The following PKD2 variants were observed in gnomAD, a reference collection of about 807,000 sequenced individuals.
The protein encoded by PKD2 is polycystin-2.
A neutral mutation model predicts 105.9 loss-of-function variants in PKD2; 48 were observed. The observed-to-expected ratio is 0.45, with a 90% CI of 0.36 to 0.58. The LOEUF (loss-of-function observed/expected upper bound fraction) is 0.58. Ranked by LOEUF, PKD2 falls within the 20% of genes least tolerant of loss-of-function variation. The pLI, the probability that PKD2 is intolerant of heterozygous loss-of-function variation, is 0.00. For synonymous variants in PKD2, 464 were observed against 481.1 expected (o/e 0.96, Z 0.46); for missense variants, 1,078 against 1,255.3 (o/e 0.86, Z 2.13).
rs774698283 is a variant in PKD2, at chr4:88,036,274, A to C, written c.764A>C (p.Gln255Pro). 8 of 1,613,866 alleles carry C rather than the reference A, an allele frequency of 5.0e-6. No individual in the cohort carries two copies. The highest frequency in any genetic ancestry group is 3.3e-5 in the Admixed American group (2 of 59,994). Residue 255 changes from glutamine (Q) to proline (P), a missense_variant, in exon 3 of 15, where the codon CAG becomes CCG. Physicochemically the swap from Gln to Pro is moderately conservative, Grantham distance 76 (BLOSUM62 -1). Around this residue, in one of 2 missense-constraint regions of PKD2, gnomAD observed 868 missense variants for 1,067.3 expected, o/e 0.81. Coordinates refer to ENST00000237596, the MANE Select transcript of PKD2 (RefSeq NM_000297.4). The stretch of plus-strand genomic sequence containing the variant: ...TACTACTACACCCGGATGATGTCAC[A>C]GCTCTTCCTAGACACCCCCGTGTCC... The part of the protein sequence containing the change: ...NVYYYTRMMS[Q>P]LFLDTPVSKT...
Position 88,019,446 on chromosome 4 carries a change from A to G in PKD2, c.596-12A>G, listed in dbSNP as rs1309230768. ...AATGATATCTTTTCTTTTCTTCATT[A>G]TTATTTTAAAGGTCTCTGGGGAACA... On this transcript the variant is annotated splice_polypyrimidine_tract_variant and intron_variant, in intron 1 of 14. Transcript: ENST00000237596. The G allele has an allele frequency of 7.8e-7, 1 of 1,278,096 alleles. No individual in the cohort carries two copies. The highest frequency in any genetic ancestry group is 1.2e-5 in the South Asian group (1 of 83,684). The allele number at this position is 1,278,096 out of a possible 1,614,324, so 79.2% of individuals were successfully genotyped here. A position where few individuals can be genotyped will look rare whatever the true frequency, so the allele number is the denominator to read the frequency against.
chr4:88,072,776 G>A (rs1160417224), intron 13 of PKD2, among the ~76,000 whole-genome samples: 5 of 151,922 alleles, frequency 3.3e-5, no homozygotes, highest in Admixed American at 6.6e-5. Context: ...AGTGGCTCAC[G>A]CCTGTAATCC....
chr4:88,038,486 C>T lies in PKD2; in HGVS notation c.1079C>T (p.Pro360Leu). The change falls in exon 4 of 15, where the codon CCC (proline) becomes CTC (leucine). Residue 360 changes from proline (P) to leucine (L), a missense_variant. By Grantham distance (98) the Pro-to-Leu change is moderately conservative. Around this residue, in one of 2 missense-constraint regions of PKD2, gnomAD observed 868 missense variants for 1,067.3 expected, o/e 0.81. Transcript: ENST00000237596. ...AGTGAAGATAGGGCTCCCTTTGGGC[C>T]CCGAAATGGAACCGCGTAAGTGTCT... The part of the protein sequence containing the change: ...VSSEDRAPFG[P>L]RNGTAWIYTS... 1 of 1,613,836 alleles carries T rather than the reference C, an allele frequency of 6.2e-7. No homozygotes were observed. The highest frequency in any genetic ancestry group is 1.1e-5 in the South Asian group (1 of 91,064).
chr4:88,008,386 G>C (rs1726268552), intron 1 of PKD2, 58 bp downstream of exon 1: 2 of 1,469,932 alleles, frequency 1.4e-6, no homozygotes, highest in Admixed American at 4.5e-5. Context: ...GGCGCCGGCC[G>C]GGGCCATCGC....
rs192784731 is a variant in PKD2, at chr4:88,070,077, T to C, written c.2522+2016T>C. Among the ~76,000 whole-genome samples, 971 of 152,328 alleles carry C rather than the reference T, an allele frequency of 6.4e-3. 22 individuals carry two copies. The highest frequency in any genetic ancestry group is 0.058 in the Admixed American group (886 of 15,284). On this transcript the variant is annotated intron_variant, in intron 13 of 14. Coordinates refer to ENST00000237596, the MANE Select transcript of PKD2 (RefSeq NM_000297.4). ...CTTGCTTTCAGCATAAAGAATTTCC[T>C]TTAGTATTTTTTGTAAAGCAGGTTT... is the stretch of plus-strand genomic sequence containing the variant.
chr4:88,029,682 A>G (rs1560603570), intron 2 of PKD2, among the ~76,000 whole-genome samples: 1 of 152,250 alleles, frequency 6.6e-6, no homozygotes, highest in Non-Finnish European at 1.5e-5. Context: ...TTTAATTAAA[A>G]ACAGATTTAG....
chr4:88,062,822 G>A (rs187172924), intron 10 of PKD2, among the ~76,000 whole-genome samples: 56 of 152,162 alleles, frequency 3.7e-4, no homozygotes, highest in African/African-American at 1.3e-3. Flanking sequence ...AAGTCCTTGG[G>A]ATGGGACCTA....
intron 1 of PKD2, 26 bp downstream of exon 1, chr4:88,008,354 A>G: frequency 6.7e-7 from 1 of 1,489,582 alleles, no homozygotes; most frequent in Non-Finnish European, 8.9e-7. Flanking sequence ...CCGCAGCGGC[A>G]GATGCACGAA....
intron 9 of PKD2, among the ~76,000 whole-genome samples, chr4:88,060,711 G>A (rs767991597): frequency 9.2e-5 from 14 of 152,060 alleles, no homozygotes; most frequent in Non-Finnish European, 1.9e-4. Context: ...ACAGTGCTTC[G>A]AGAAAGTTTG....
At chr4:88,020,571 C>T (rs780917739) in intron 2 of PKD2, among the ~76,000 whole-genome samples, 21 of 151,990 alleles carry the variant, frequency 1.4e-4, no homozygotes, top group Non-Finnish European at 2.5e-4. Context: ...AATCAAAGGG[C>T]GTTCGATGAT....
In PKD2 at chr4:88,053,968, A is replaced by G. The variant is rs774109892; in HGVS notation, c.1716+1810A>G. Among the ~76,000 whole-genome samples, 75 of 152,172 alleles carry G rather than the reference A, an allele frequency of 4.9e-4. 2 individuals are homozygous for G. Among genetic ancestry groups the G allele is most frequent in the Non-Finnish European group, 2.5e-4 (17 of 68,036 alleles). On this transcript the variant is annotated intron_variant, in intron 7 of 14. Transcript: ENST00000237596. ...TTACTTAATTTAAATTTGAATTTAG[A>G]TATCCACACATGTTTGGATAGCACA...
At chr4:88,022,759 C>G (rs1226821685) in intron 2 of PKD2, among the ~76,000 whole-genome samples, 2 of 152,100 alleles carry the variant, frequency 1.3e-5, no homozygotes, top group Non-Finnish European at 2.9e-5. Flanking sequence ...CTTGCATTGC[C>G]CTAAATACCT....
At position 88,077,165 on chromosome 4, in the gene PKD2, T is replaced by A. The variant is rs1339071709; in HGVS notation, c.*1471T>A. Reference sequence around the variant, plus strand: ...GAACCAAGAGAATCCTGTCGTTTAATGCTATATTTTAATTTCACAAGTTGT... The same window carrying A: ...GAACCAAGAGAATCCTGTCGTTTAAAGCTATATTTTAATTTCACAAGTTGT... On this transcript the variant is annotated 3_prime_UTR_variant, in exon 15 of 15. Coordinates refer to ENST00000237596, the MANE Select transcript of PKD2 (RefSeq NM_000297.4). 6.6e-6 allele frequency: 1 copy of A among 152,594 alleles called. No homozygotes were observed. The highest frequency in any genetic ancestry group is 1.5e-5 in the Non-Finnish European group (1 of 68,020). 9.5% of individuals were successfully genotyped at this position (152,594 alleles called of 1,614,324 possible).
At chr4:88,021,831 A>G (rs1177185462) in intron 2 of PKD2, among the ~76,000 whole-genome samples, 1 of 152,182 alleles carries the variant, frequency 6.6e-6, no homozygotes, top group Non-Finnish European at 1.5e-5. Context: ...AAGTTTGGAG[A>G]CAAATACCTA....
chr4:88,009,014 A>T (rs926845969), intron 1 of PKD2, among the ~76,000 whole-genome samples: 4 of 152,260 alleles, frequency 2.6e-5, no homozygotes, highest in African/African-American at 4.8e-5. Context: ...TTTTAAAAAA[A>T]TTTGAAGTAT....
intron 5 of PKD2, among the ~76,000 whole-genome samples, chr4:88,045,318 T>C (rs986137893): frequency 1.3e-5 from 2 of 152,200 alleles, no homozygotes; most frequent in African/African-American, 4.8e-5. Flanking sequence ...TCCTGAGTTT[T>C]TGATTCTCAC....
intron 2 of PKD2, among the ~76,000 whole-genome samples, chr4:88,029,050 C>T (rs1307657941): frequency 6.6e-6 from 1 of 152,160 alleles, no homozygotes. Flanking sequence ...GACTGTATTT[C>T]ACAAACTCTC....
intron 2 of PKD2, among the ~76,000 whole-genome samples, chr4:88,023,175 C>T (rs1726823945): frequency 6.6e-6 from 1 of 152,032 alleles, no homozygotes; most frequent in South Asian, 2.1e-4. Flanking sequence ...CATGGTTCTG[C>T]AGGCTGTAAG....
At chr4:88,021,526 A>G (rs970759580) in intron 2 of PKD2, among the ~76,000 whole-genome samples, 2 of 152,214 alleles carry the variant, frequency 1.3e-5, no homozygotes, top group Non-Finnish European at 1.5e-5. Context: ...TAGAATCTCT[A>G]CTTAAGAAAG....
Sources: allele counts gnomAD v4.1 joint callset (sites outside exome capture counted in the v4.1 genomes callset), GRCh38; gene constraint gnomAD v4.1.1; regional missense constraint gnomAD v4.1.1; transcripts MANE v1.5; gene names NCBI Gene and HGNC (gene_info 2026-07-23, HGNC 2026-07-21).